PPP3CA: variants seen among roughly 807,000 people sequenced by gnomAD.
PPP3CA encodes protein phosphatase 3 catalytic subunit alpha.
Under a neutral mutation model 66.5 loss-of-function variants are expected in PPP3CA, and 14 were observed. The observed-to-expected ratio is 0.21, with a 90% CI of 0.14 to 0.33. The LOEUF is 0.33. Ranked by LOEUF, PPP3CA falls within the 10% of genes least tolerant of loss-of-function variation. PPP3CA has a pLI of 1.00. For synonymous variants in PPP3CA, 232 were observed against 226.2 expected, an observed-to-expected ratio of 1.03 and a Z score of -0.23; for missense variants, 317 against 639.5, an observed-to-expected ratio of 0.50 and a Z score of 5.44.
intron 1 of PPP3CA, among the ~76,000 whole-genome samples, chr4:101,301,835 T>C (rs1434865500): frequency 2.7e-5 from 4 of 149,554 alleles, no homozygotes; most frequent in Admixed American, 1.3e-4. Context: ...TATATATATA[T>C]ATAATTTTAA....
At chr4:101,165,815 A>G (rs951588360) in intron 2 of PPP3CA, among the ~76,000 whole-genome samples, 2 of 152,146 alleles carry the variant, frequency 1.3e-5, no homozygotes, top group African/African-American at 4.8e-5. Flanking sequence ...AGTGACATCC[A>G]GGCCATAGAT....
intron 2 of PPP3CA, among the ~76,000 whole-genome samples, chr4:101,142,416 G>C (rs896029266): frequency 6.6e-6 from 1 of 152,122 alleles, no homozygotes; most frequent in Non-Finnish European, 1.5e-5. Flanking sequence ...GCTAAATACA[G>C]CCCAAAGCTA....
intron 11 of PPP3CA, among the ~76,000 whole-genome samples, chr4:101,035,330 T>A (rs1727196430): frequency 6.6e-6 from 1 of 151,500 alleles, no homozygotes; most frequent in African/African-American, 2.4e-5. Context: ...AAAAAAACAA[T>A]TACAACCCAT....
chr4:101,077,948 A>G (rs1239182608), intron 8 of PPP3CA, among the ~76,000 whole-genome samples: 1 of 152,140 alleles, frequency 6.6e-6, no homozygotes, highest in African/African-American at 2.4e-5. Flanking sequence ...AGCATTATGA[A>G]GAATTGAAAG....
intron 1 of PPP3CA, among the ~76,000 whole-genome samples, chr4:101,343,031 T>C (rs1286323906): frequency 2.0e-5 from 3 of 152,116 alleles, no homozygotes; most frequent in African/African-American, 7.2e-5. Context: ...AAACAGCTCA[T>C]TCTCTATGGC....
At chr4:101,343,120 T>G (rs1182724532) in intron 1 of PPP3CA, among the ~76,000 whole-genome samples, 2 of 152,166 alleles carry the variant, frequency 1.3e-5, no homozygotes, top group South Asian at 2.1e-4. Context: ...TCTCAGAAAT[T>G]TATCCCTCAA....
At chr4:101,052,898 T>G (rs2695190) in intron 10 of PPP3CA, among the ~76,000 whole-genome samples, 37,821 of 151,818 alleles carry the variant, frequency 0.25, 6,329 homozygotes, top group East Asian at 0.85. Context: ...CTTCCTTTAG[T>G]TATTCAATAT....
chr4:101,150,807 C>G (rs868675369), intron 2 of PPP3CA, among the ~76,000 whole-genome samples: 1 of 152,086 alleles, frequency 6.6e-6, no homozygotes, highest in Non-Finnish European at 1.5e-5. Flanking sequence ...TCACATAATA[C>G]TTTATTTTCA....
intron 2 of PPP3CA, chr4:101,171,279 G>A (rs1723869400): frequency 2.2e-6 from 1 of 452,518 alleles, no homozygotes; most frequent in African/African-American, 2.0e-5. Context: ...CCCACAATAG[G>A]AGCTAAACAT....
intron 8 of PPP3CA, 130 bp downstream of exon 8, chr4:101,080,402 T>A: frequency 2.4e-6 from 1 of 414,588 alleles, no homozygotes; most frequent in Non-Finnish European, 4.1e-6. Context: ...AAAGTATGCA[T>A]GAAACAATAA....
intron 1 of PPP3CA, among the ~76,000 whole-genome samples, chr4:101,213,455 T>C (rs1281458408): frequency 6.6e-6 from 1 of 152,112 alleles, no homozygotes; most frequent in Non-Finnish European, 1.5e-5. Flanking sequence ...AAATTCCCAA[T>C]ATTTAATTTC....
intron 2 of PPP3CA, among the ~76,000 whole-genome samples, chr4:101,176,056 G>C (rs1206471576): frequency 1.3e-5 from 2 of 152,092 alleles, no homozygotes; most frequent in African/African-American, 2.4e-5. Context: ...AGTCATGGAA[G>C]GCACAAACAT....
At chr4:101,315,294 C>A (rs762760615) in intron 1 of PPP3CA, among the ~76,000 whole-genome samples, 1 of 152,186 alleles carries the variant, frequency 6.6e-6, no homozygotes. Context: ...GAGAGATAAA[C>A]TGTTGTTGTT....
chr4:101,037,209 C>T (rs1171114323), intron 11 of PPP3CA, among the ~76,000 whole-genome samples: 3 of 152,142 alleles, frequency 2.0e-5, no homozygotes, highest in Admixed American at 1.3e-4. Context: ...GAAGCTCTTC[C>T]ACTGCTGGCC....
intron 2 of PPP3CA, among the ~76,000 whole-genome samples, chr4:101,130,508 T>G (rs1340299646): frequency 6.6e-6 from 1 of 152,150 alleles, no homozygotes; most frequent in East Asian, 1.9e-4. Context: ...AGAGAATGGT[T>G]GGGTTACCCA....
At chr4:101,211,067 T>C (rs1225961493) in intron 1 of PPP3CA, among the ~76,000 whole-genome samples, 1 of 152,234 alleles carries the variant, frequency 6.6e-6, no homozygotes, top group Non-Finnish European at 1.5e-5. Flanking sequence ...CACAACAGTC[T>C]TGTGATTTGG....
At chr4:101,346,650 C>CG in intron 1 of PPP3CA, 89 bp downstream of exon 1, 3 of 1,096,872 alleles carry the variant, frequency 2.7e-6, no homozygotes, top group Non-Finnish European at 4.0e-6. Flanking sequence ...GAACCTGGGG[C>CG]GGGGGAGGGG....
Position 101,063,840 on chromosome 4 carries a change from T to A in PPP3CA, c.956-483A>T, listed in dbSNP as rs574845212. Among the ~76,000 whole-genome samples, 70 of 152,078 alleles carry A rather than the reference T, an allele frequency of 4.6e-4. 1 individual carries two copies. In the South Asian group the frequency reaches 0.012, roughly 27 times the overall value. Reference sequence around the variant, plus strand: ...TTGCTTTAATTTTTACTTTATTTTTTAAATTAATATAATAATTGTACATAA... The same window carrying A: ...TTGCTTTAATTTTTACTTTATTTTTAAAATTAATATAATAATTGTACATAA... On this transcript the variant is annotated intron_variant, in intron 8 of 13. Transcript: ENST00000394854.
intron 1 of PPP3CA, among the ~76,000 whole-genome samples, chr4:101,234,305 C>T (rs960775911): frequency 6.6e-6 from 1 of 151,742 alleles, no homozygotes; most frequent in African/African-American, 2.4e-5. Flanking sequence ...TGAGGAACTG[C>T]CTCACTGCTT....
Sources: allele counts gnomAD v4.1 joint callset (sites outside exome capture counted in the v4.1 genomes callset), GRCh38; gene constraint gnomAD v4.1.1; transcripts MANE v1.5; gene names NCBI Gene and HGNC (gene_info 2026-07-23, HGNC 2026-07-21).